Variants in MED16 observed in about 807,000 individuals in gnomAD.
The protein encoded by MED16 is mediator complex subunit 16.
Under a neutral mutation model 84.4 loss-of-function variants are expected in MED16, and 81 were observed. That is an observed-to-expected ratio of 0.96 (90% confidence interval 0.80 to 1.15). The LOEUF (loss-of-function observed/expected upper bound fraction) is 1.15, where lower values mean the gene tolerates loss of function less well. MED16 is among the 50% of genes most tolerant of loss of function. The pLI is 0.00. For missense variants in MED16, 1,585 were observed against 1,245.9 expected (o/e 1.27, Z -4.10); for synonymous variants, 897 against 552.2 (o/e 1.62, Z -8.76).
At chr19:885,627 C>T in intron 5 of MED16, 143 bp downstream of exon 5, 1 of 998,498 alleles carries the variant, frequency 1.0e-6, no homozygotes, top group Non-Finnish European at 1.4e-6. Flanking sequence ...TGGGTTCTCC[C>T]CTGGAGCCCC....
In MED16 at chr19:885,823, T is replaced by C. The variant is rs1013087412; in HGVS notation, c.826A>G (p.Lys276Glu). The change falls in exon 5 of 16, where the codon AAG becomes GAG. Residue 276 changes from lysine to glutamate, a missense_variant. Coordinates refer to ENST00000325464, the MANE Select transcript of MED16 (RefSeq NM_005481.3). ...RCTTDLNRKD[K>E]FPAITHLKFL... is the part of the protein sequence containing the mutation. ...TTGAGGTGGGTGATGGCGGGAAACT[T>C]GTCCTTGCGGTTGAGGTCGGTGGTG... The C allele has an allele frequency of 6.2e-7, 1 of 1,613,434 alleles. No homozygotes were observed. Among genetic ancestry groups the C allele is most frequent in the Non-Finnish European group, 8.5e-7 (1 of 1,179,960 alleles).
At chr19:875,976 T>C (rs2036219987) in intron 9 of MED16, among the ~76,000 whole-genome samples, 1 of 152,064 alleles carries the variant, frequency 6.6e-6, no homozygotes, top group East Asian at 1.9e-4. Flanking sequence ...AAAACAAAAA[T>C]GAAACGCTTG....
At chr19:888,876 C>T (rs528218678) in intron 4 of MED16, among the ~76,000 whole-genome samples, 19 of 152,178 alleles carry the variant, frequency 1.2e-4, no homozygotes, top group African/African-American at 3.9e-4. Flanking sequence ...CTAGTTCCTG[C>T]GAGAGCCCCA....
intron 10 of MED16, 152 bp from the exon 11 acceptor site, chr19:873,734 T>G (rs991521566): frequency 1.1e-6 from 1 of 935,436 alleles, no homozygotes; most frequent in Non-Finnish European, 1.6e-6. Flanking sequence ...GGCGATGGCG[T>G]TGCCGGACGG....
At position 871,155 on chromosome 19, in the gene MED16, G is replaced by A. The variant is rs2036041811; in HGVS notation, c.2197C>T (p.Pro733Ser). The change falls in exon 13 of 16, where the codon CCA (proline) becomes TCA (serine). Residue 733 changes from proline to serine, a missense_variant. Pro to Ser is a moderately conservative substitution (Grantham distance 74). Transcript: ENST00000325464. ...CGGCTAACCAGGCCGTCGCTGGCTG[G>A]CAGCCAGTCCAGGCTGGGGATAAGC... is the stretch of plus-strand genomic sequence containing the variant. Reference protein sequence around the residue: ...QLLIPSLDWLPASDGLVSRLQ... With the variant: ...QLLIPSLDWLSASDGLVSRLQ... 7.1e-6 allele frequency: 11 copies of A among 1,548,492 alleles called. No homozygotes were observed. Among genetic ancestry groups the A allele is most frequent in the Non-Finnish European group, 9.6e-6 (11 of 1,145,824 alleles).
Position 868,792 on chromosome 19 carries a change from G to T in MED16, c.2399+71C>A, listed in dbSNP as rs866920063. Reference sequence around the variant, plus strand: ...CCCTTGACCGTCTGGAGCGCTGGGTGGGGGCTAGAATCAGCTGAGCCATCC... The same window carrying T: ...CCCTTGACCGTCTGGAGCGCTGGGTTGGGGCTAGAATCAGCTGAGCCATCC... On this transcript the variant is annotated intron_variant, in intron 14 of 15. Coordinates refer to ENST00000325464, the MANE Select transcript of MED16 (RefSeq NM_005481.3). 1.8e-5 allele frequency: 26 copies of T among 1,465,136 alleles called. No homozygotes were observed. The Middle Eastern group carries it at 1.9e-3, about 108-fold the overall frequency. 90.8% of individuals were successfully genotyped at this position (1,465,136 alleles called of 1,614,324 possible).
intron 6 of MED16, among the ~76,000 whole-genome samples, chr19:883,372 G>T (rs1413081674): frequency 6.9e-6 from 1 of 145,490 alleles, no homozygotes; most frequent in African/African-American, 2.6e-5. Context: ...GGCACGTGGG[G>T]TGGTGGGTGA....
At chr19:882,727 C>A (rs1201441520) in intron 6 of MED16, among the ~76,000 whole-genome samples, 1 of 152,238 alleles carries the variant, frequency 6.6e-6, no homozygotes, top group Non-Finnish European at 1.5e-5. Flanking sequence ...AGAAACAGTG[C>A]AGGGCTGCTG....
intron 3 of MED16, 70 bp downstream of exon 3, chr19:890,067 G>A (rs1599346487): frequency 1.6e-6 from 2 of 1,242,952 alleles, no homozygotes; most frequent in East Asian, 2.5e-5. Context: ...AGACTGACCG[G>A]AGAAACACAG....
chr19:892,938 G>GCCCCGCGCCCCGCGC (rs869260826), intron 1 of MED16, 148 bp downstream of exon 1: 3 of 118,388 alleles, frequency 2.5e-5, no homozygotes, highest in East Asian at 2.4e-4. Context: ...CGCGCCCCGC[G>GCCCCGCGCCCCGCGC]CCCCAGGCCG....
chr19:868,355 G>A lies in MED16; in HGVS notation c.2483+61C>T, dbSNP rs188653862. The A allele has an allele frequency of 3.5e-3, 5,503 of 1,593,646 alleles. 15 individuals are homozygous for A. Among genetic ancestry groups the A allele is most frequent in the Non-Finnish European group, 4.4e-3 (5,114 of 1,172,776 alleles). ...GCAGCTGAGGGGTAGCTGAGGAGTA[G>A]CTGAGGGGCAGCTGGGCTCAGGGGT... On this transcript the variant is annotated intron_variant, in intron 15 of 15. Coordinates refer to ENST00000325464, the MANE Select transcript of MED16 (RefSeq NM_005481.3).
At chr19:889,348 AAG>A (rs1461127665) in intron 4 of MED16, among the ~76,000 whole-genome samples, 1 of 151,888 alleles carries the variant, frequency 6.6e-6, no homozygotes, top group Non-Finnish European at 1.5e-5. Context: ...CCTCCAGTGA[AAG>A]AGATAACTCA....
chr19:882,425 G>A (rs955627916), intron 6 of MED16, among the ~76,000 whole-genome samples: 1 of 152,202 alleles, frequency 6.6e-6, no homozygotes, highest in African/African-American at 2.4e-5. Flanking sequence ...TACTCAGGAG[G>A]CTGAGGTAGG....
In MED16 at chr19:886,070, C is replaced by A; in HGVS notation, c.579G>T (p.Leu193=). ...ACGTCAGCACCTGCCCGCTGGGCTT[C>A]AGCAGGGACACGGTGACCAGGCCGC... ...TVSGLVTVSL[L]KPSGQVLTST... is the part of the protein sequence containing the mutation. Residue 193 remains leucine (L), a synonymous_variant, in exon 5 of 16, where the codon CTG becomes CTT. Transcript: ENST00000325464. 1 of 1,595,708 alleles carries A rather than the reference C, an allele frequency of 6.3e-7. No homozygotes were observed. Among genetic ancestry groups the A allele is most frequent in the Admixed American group, 1.7e-5 (1 of 59,574 alleles).
At chr19:872,877 G>A (rs1683574) in intron 11 of MED16, 101,366 of 636,044 alleles carry the variant, frequency 0.16, 11,640 homozygotes, top group African/African-American at 0.25. Context: ...CTTTGAGAAT[G>A]GGCAGGAAGG....
At chr19:885,245 C>T (rs1023942391) in intron 5 of MED16, among the ~76,000 whole-genome samples, 4 of 152,184 alleles carry the variant, frequency 2.6e-5, no homozygotes, top group African/African-American at 9.7e-5. Flanking sequence ...CAAAGGGACA[C>T]AGGGAACCAA....
At chr19:872,804 G>T in intron 11 of MED16, 1 of 258,776 alleles carries the variant, frequency 3.9e-6, no homozygotes, top group Non-Finnish European at 6.3e-6. Context: ...AGCAGCAGAA[G>T]CAAGGCGAAC....
intron 11 of MED16, chr19:872,882 G>C (rs1471221052): frequency 1.2e-6 from 1 of 864,874 alleles, no homozygotes; most frequent in South Asian, 3.4e-5. Flanking sequence ...AGAATGGGCA[G>C]GAAGGGTGTG....
intron 9 of MED16, 94 bp downstream of exon 9, chr19:876,880 C>CCACCACCTACCACGGGG: frequency 1.8e-6 from 2 of 1,133,808 alleles, no homozygotes; most frequent in Non-Finnish European, 2.4e-6. Flanking sequence ...TGCCACGGGG[C>CCACCACCTACCACGGGG]CCCCACCTGC....
Sources: allele counts gnomAD v4.1 joint callset (sites outside exome capture counted in the v4.1 genomes callset), GRCh38; gene constraint gnomAD v4.1.1; transcripts MANE v1.5; gene names NCBI Gene and HGNC (gene_info 2026-07-23, HGNC 2026-07-21).